CAMK1D: variants seen among roughly 807,000 people sequenced by gnomAD.
CAMK1D encodes calcium/calmodulin dependent protein kinase ID.
CAMK1D carries 9 observed loss-of-function variants against 47.7 expected under a neutral mutation model. The ratio of observed to expected loss-of-function variants is 0.19; its 90% CI spans 0.11 to 0.33. The LOEUF (loss-of-function observed/expected upper bound fraction) is 0.33. Ranked by LOEUF, CAMK1D falls within the 10% of genes least tolerant of loss-of-function variation. The pLI is 1.00. For missense variants in CAMK1D, 291 were observed against 488.7 expected (o/e 0.60, Z 3.81); for synonymous variants, 184 against 184.9 (o/e 0.99, Z 0.04).
chr10:12,663,667 CA>C (rs1207743619), intron 2 of CAMK1D, among the ~76,000 whole-genome samples: 1 of 152,094 alleles, frequency 6.6e-6, no homozygotes, highest in East Asian at 1.9e-4. Context: ...TGATACATGG[CA>C]GGCACCCAAC....
chr10:12,678,741 A>T (rs1039032513), intron 3 of CAMK1D, among the ~76,000 whole-genome samples: 2 of 152,118 alleles, frequency 1.3e-5, no homozygotes, highest in Admixed American at 1.3e-4. Flanking sequence ...CTTGTCTCTT[A>T]TAACAGTTTT....
intron 5 of CAMK1D, among the ~76,000 whole-genome samples, chr10:12,783,192 C>G (rs1290272548): frequency 6.6e-6 from 1 of 152,054 alleles, no homozygotes; most frequent in African/African-American, 2.4e-5. Flanking sequence ...GGGGTTTCAC[C>G]ATGTTGGCCA....
chr10:12,547,645 C>CG (rs926529617), intron 1 of CAMK1D, among the ~76,000 whole-genome samples: 2 of 119,556 alleles, frequency 1.7e-5, no homozygotes, highest in Non-Finnish European at 3.6e-5. Flanking sequence ...GGACACCCCC[C>CG]CCCCAACCCT....
intron 1 of CAMK1D, among the ~76,000 whole-genome samples, chr10:12,395,009 T>C (rs2131899168): frequency 6.6e-6 from 1 of 152,188 alleles, no homozygotes; most frequent in South Asian, 2.1e-4. Flanking sequence ...GGGTGCACTT[T>C]GTAGCTGCTT....
At chr10:12,590,287 C>T (rs1203450771) in intron 2 of CAMK1D, among the ~76,000 whole-genome samples, 2 of 152,070 alleles carry the variant, frequency 1.3e-5, no homozygotes, top group African/African-American at 2.4e-5. Context: ...GCACCATCAT[C>T]GCCCACTGCA....
chr10:12,800,081 A>T (rs920207801), intron 6 of CAMK1D, among the ~76,000 whole-genome samples: 4 of 152,292 alleles, frequency 2.6e-5, no homozygotes, highest in African/African-American at 9.6e-5. Context: ...ACTTTGCCGG[A>T]GTCACCCTCT....
intron 2 of CAMK1D, among the ~76,000 whole-genome samples, chr10:12,641,057 C>T (rs1839651653): frequency 6.6e-6 from 1 of 152,022 alleles, no homozygotes; most frequent in Non-Finnish European, 1.5e-5. Flanking sequence ...CTCCCTTGAA[C>T]CTCCTGGGTT....
chr10:12,481,645 G>A lies in CAMK1D; in HGVS notation c.93-71580G>A, dbSNP rs563376747. 2.0e-5 allele frequency among the ~76,000 whole-genome samples: 3 copies of A among 152,204 alleles called. No homozygotes were observed. The South Asian group carries it at 6.3e-4, about 32-fold the overall frequency. ...CTGCCTCAGCCTCCTGAGCAGCCGC[G>A]ATTACAGGCGTGTACCACCACGCCC... On this transcript the variant is annotated intron_variant, in intron 1 of 10. Transcript: ENST00000619168.
At position 12,662,651 on chromosome 10, in the gene CAMK1D, CAA is replaced by C. The variant is rs56807588; in HGVS notation, c.225-4073_225-4072del. Among the ~76,000 whole-genome samples, 1,285 of 140,218 alleles carry C rather than the reference CAA, an allele frequency of 9.2e-3. 18 individuals are homozygous for C. The highest frequency in any genetic ancestry group is 0.031 in the Admixed American group (437 of 14,250). 92.0% of individuals were successfully genotyped at this position (140,218 alleles called of 152,430 possible). A position where few individuals can be genotyped will look rare whatever the true frequency, so the allele number is the denominator to read the frequency against. On this transcript the variant is annotated intron_variant, in intron 2 of 10. Transcript: ENST00000619168. ...TCGGAGACAGAGCAACACTCTGCCT[CAA>C]AAAAAAAAAAAGGAGATTGTGTTTG...
intron 3 of CAMK1D, among the ~76,000 whole-genome samples, chr10:12,727,550 C>A (rs1455631257): frequency 6.6e-6 from 1 of 152,202 alleles, no homozygotes; most frequent in Non-Finnish European, 1.5e-5. Flanking sequence ...AAGTTACACA[C>A]AACAGACAAC....
chr10:12,656,067 G>C (rs1381995996), intron 2 of CAMK1D, among the ~76,000 whole-genome samples: 1 of 152,178 alleles, frequency 6.6e-6, no homozygotes, highest in Non-Finnish European at 1.5e-5. Flanking sequence ...TTCTGGTCTG[G>C]CTGGTTGATT....
At chr10:12,387,397 T>TATTTTATATATTATATATTTTATATA (rs199871181) in intron 1 of CAMK1D, among the ~76,000 whole-genome samples, 1 of 83,754 alleles carries the variant, frequency 1.2e-5, no homozygotes, top group African/African-American at 4.5e-5. Flanking sequence ...ATATTATATA[T>TATTTTATATATTATATATTTTATATA]TTTTATATAT....
intron 2 of CAMK1D, among the ~76,000 whole-genome samples, chr10:12,608,838 A>G (rs1361965739): frequency 6.6e-6 from 1 of 152,228 alleles, no homozygotes; most frequent in African/African-American, 2.4e-5. Flanking sequence ...TTCGGCATTC[A>G]TGTTGGTCTG....
intron 1 of CAMK1D, among the ~76,000 whole-genome samples, chr10:12,429,138 G>C (rs368225539): frequency 2.0e-5 from 3 of 152,034 alleles, no homozygotes; most frequent in African/African-American, 7.2e-5. Flanking sequence ...GCCCACCCCT[G>C]CCACTCTGGC....
intron 6 of CAMK1D, among the ~76,000 whole-genome samples, chr10:12,792,328 T>C (rs1027259819): frequency 6.6e-6 from 1 of 152,258 alleles, no homozygotes; most frequent in African/African-American, 2.4e-5. Flanking sequence ...TGTAAAGTTA[T>C]TTTTAAATTA....
chr10:12,665,262 A>G (rs1840393396), intron 2 of CAMK1D, among the ~76,000 whole-genome samples: 1 of 152,246 alleles, frequency 6.6e-6, no homozygotes, highest in African/African-American at 2.4e-5. Flanking sequence ...TTCAAAGGAA[A>G]GCTTTACCAG....
At chr10:12,458,670 C>T (rs1490419292) in intron 1 of CAMK1D, among the ~76,000 whole-genome samples, 4 of 152,054 alleles carry the variant, frequency 2.6e-5, no homozygotes, top group Non-Finnish European at 5.9e-5. Context: ...TGGCCTCAAG[C>T]GATCCTCCTG....
intron 3 of CAMK1D, among the ~76,000 whole-genome samples, chr10:12,689,691 G>A (rs545565754): frequency 2.6e-5 from 4 of 151,806 alleles, no homozygotes; most frequent in South Asian, 2.1e-4. Context: ...CAGGAGAATC[G>A]CTTGAACCCA....
chr10:12,493,582 T>C (rs2768441), intron 1 of CAMK1D, among the ~76,000 whole-genome samples: 110,872 of 151,956 alleles, frequency 0.73, 40,832 homozygotes, highest in East Asian at 0.89. Flanking sequence ...TGACCTCCAC[T>C]TCCTGGGTTC....
Sources: allele counts gnomAD v4.1 joint callset (sites outside exome capture counted in the v4.1 genomes callset), GRCh38; gene constraint gnomAD v4.1.1; transcripts MANE v1.5; gene names NCBI Gene and HGNC (gene_info 2026-07-23, HGNC 2026-07-21).